The following PHACTR1 variants were observed in gnomAD, a reference collection of about 807,000 sequenced individuals.
PHACTR1 encodes the protein RPEL repeat containing 1.
PHACTR1 carries 16 observed loss-of-function variants against 69.2 expected under a neutral mutation model. The observed-to-expected ratio is 0.23, with a 90% CI of 0.16 to 0.35. PHACTR1 has a LOEUF of 0.35. Ranked by LOEUF, PHACTR1 falls within the 10% of genes least tolerant of loss-of-function variation. The pLI is 1.00. For missense variants in PHACTR1, 510 were observed against 734.7 expected, an observed-to-expected ratio of 0.69 and a Z score of 3.54; for synonymous variants, 312 against 284.5, an observed-to-expected ratio of 1.10 and a Z score of -0.97.
chr6:12,946,201 G>T lies in PHACTR1; in HGVS notation c.251-107164G>T, dbSNP rs116028406. Among the ~76,000 whole-genome samples, 830 of 151,942 alleles carry T rather than the reference G, an allele frequency of 5.5e-3. 6 individuals are homozygous for T. Among genetic ancestry groups the T allele is most frequent in the African/African-American group, 0.019 (770 of 41,410 alleles). ...GAAGGTGGGTAGGGAAAGATGAAAA[G>T]TGTGTAGAATACTAAGTAGACTATA... On this transcript the variant is annotated intron_variant, in intron 4 of 14. Coordinates refer to ENST00000332995, the MANE Select transcript of PHACTR1 (RefSeq NM_030948.6).
intron 4 of PHACTR1, among the ~76,000 whole-genome samples, chr6:12,895,484 A>T (rs1019160737): frequency 6.6e-6 from 1 of 152,092 alleles, no homozygotes. Flanking sequence ...TGCCCAGCTG[A>T]TTCTTTCTAT....
intron 12 of PHACTR1, chr6:13,280,799 T>C: frequency 2.2e-6 from 1 of 448,900 alleles, no homozygotes; most frequent in Non-Finnish European, 3.8e-6. Flanking sequence ...CGGGCCTGAC[T>C]TTGGCTGCAA....
At chr6:13,282,277 G>A (rs1780451488) in intron 12 of PHACTR1, among the ~76,000 whole-genome samples, 5 of 152,196 alleles carry the variant, frequency 3.3e-5, no homozygotes, top group Admixed American at 3.3e-4. Flanking sequence ...TCATTTGACA[G>A]CATCTTAAAG....
intron 5 of PHACTR1, among the ~76,000 whole-genome samples, chr6:13,094,573 A>G (rs1015103030): frequency 6.6e-6 from 1 of 152,180 alleles, no homozygotes; most frequent in Admixed American, 6.5e-5. Flanking sequence ...CTGAGATTAC[A>G]GGCATGAACC....
intron 4 of PHACTR1, among the ~76,000 whole-genome samples, chr6:12,887,429 G>A (rs1039833340): frequency 1.3e-5 from 2 of 152,140 alleles, no homozygotes; most frequent in Admixed American, 1.3e-4. Context: ...AATCTTACTT[G>A]CGAACTGAAA....
intron 4 of PHACTR1, among the ~76,000 whole-genome samples, chr6:12,943,929 G>C (rs1790317646): frequency 6.6e-6 from 1 of 152,082 alleles, no homozygotes; most frequent in African/African-American, 2.4e-5. Context: ...TCTTGTTTTT[G>C]CTGGAACAAT....
chr6:13,114,828 C>T (rs1374606070), intron 5 of PHACTR1, among the ~76,000 whole-genome samples: 1 of 152,162 alleles, frequency 6.6e-6, no homozygotes, highest in East Asian at 1.9e-4. Context: ...GACTGAAAAG[C>T]CCTGGTTTAA....
At chr6:12,725,102 C>CT (rs1314760069) in intron 3 of PHACTR1, among the ~76,000 whole-genome samples, 20 of 152,172 alleles carry the variant, frequency 1.3e-4, no homozygotes, top group Admixed American at 1.3e-3. Context: ...CTAAGAGTCT[C>CT]TTTAAGTTGT....
intron 4 of PHACTR1, among the ~76,000 whole-genome samples, chr6:12,869,877 A>G (rs1781848167): frequency 6.6e-6 from 1 of 152,226 alleles, no homozygotes; most frequent in Middle Eastern, 3.2e-3. Flanking sequence ...GTACAGTACC[A>G]CAGATCTTTT....
chr6:13,105,269 C>G (rs1054477896), intron 5 of PHACTR1, among the ~76,000 whole-genome samples: 1 of 152,108 alleles, frequency 6.6e-6, no homozygotes, highest in African/African-American at 2.4e-5. Flanking sequence ...CTCCCAGCTA[C>G]ACTGGTAGCT....
At chr6:13,088,942 T>C (rs77118064) in intron 5 of PHACTR1, among the ~76,000 whole-genome samples, 2,450 of 152,324 alleles carry the variant, frequency 0.016, 56 homozygotes, top group African/African-American at 0.053. Context: ...GTGCCAGTTA[T>C]ATTTAGAAAT....
intron 4 of PHACTR1, among the ~76,000 whole-genome samples, chr6:12,894,414 G>T (rs1212659284): frequency 6.6e-6 from 1 of 152,182 alleles, no homozygotes; most frequent in Non-Finnish European, 1.5e-5. Context: ...AGACCAGCCT[G>T]GCCAACATGG....
chr6:13,217,330 T>A (rs1410283856), intron 8 of PHACTR1, among the ~76,000 whole-genome samples: 2 of 152,312 alleles, frequency 1.3e-5, no homozygotes, highest in East Asian at 3.9e-4. Context: ...CAGCTGGGAC[T>A]CGCACCATTC....
rs11285910 is a variant in PHACTR1, at chr6:13,283,158, T to TA, written c.1510-253dup. ...CATAATAAAAGATTTTTTTTAAGTT[T>TA]AAAAAAAAAAAGAGCTTGGCCTAGA... is the stretch of plus-strand genomic sequence containing the variant. On this transcript the variant is annotated intron_variant, in intron 12 of 14. Transcript: ENST00000332995. The surrounding 1 kb of genome is among the most constrained non-coding windows in gnomAD (Gnocchi z 4.7). The TA allele has an allele frequency of 0.01, 2,542 of 244,800 alleles. No individual in the cohort carries two copies. The highest frequency in any genetic ancestry group is 0.016 in the East Asian group (205 of 12,828). 15.2% of individuals were successfully genotyped at this position (244,800 alleles called of 1,614,324 possible). A position where few individuals can be genotyped will look rare whatever the true frequency, so the allele number is the denominator to read the frequency against.
intron 4 of PHACTR1, among the ~76,000 whole-genome samples, chr6:12,849,999 C>T (rs1233476854): frequency 1.3e-5 from 2 of 152,116 alleles, no homozygotes; most frequent in Admixed American, 1.3e-4. Context: ...AAAATTAATG[C>T]CTGCTTCTTT....
chr6:12,921,630 AGAGG>A (rs1283535039), intron 4 of PHACTR1, among the ~76,000 whole-genome samples: 40 of 84,684 alleles, frequency 4.7e-4, no homozygotes, highest in African/African-American at 1.5e-3. Context: ...GGGAGGAAGG[AGAGG>A]GAGGGAGGGA....
intron 7 of PHACTR1, among the ~76,000 whole-genome samples, chr6:13,193,081 G>A (rs972567926): frequency 6.6e-6 from 1 of 151,996 alleles, no homozygotes; most frequent in African/African-American, 2.4e-5. Context: ...TCATGGTCCA[G>A]CCGTAGTTCT....
At chr6:13,238,040 C>G (rs1000297099) in intron 10 of PHACTR1, among the ~76,000 whole-genome samples, 2 of 151,460 alleles carry the variant, frequency 1.3e-5, no homozygotes, top group African/African-American at 4.8e-5. Flanking sequence ...TAAAAATGAG[C>G]ACTTGCTCCA....
chr6:12,964,441 T>C (rs1035102960), intron 4 of PHACTR1, among the ~76,000 whole-genome samples: 1 of 151,914 alleles, frequency 6.6e-6, no homozygotes, highest in African/African-American at 2.4e-5. Flanking sequence ...TACAGGAGAA[T>C]GGGGAACAGA....
Sources: gnomAD v4.1 joint callset for allele counts (sites outside exome capture counted in the v4.1 genomes callset) on GRCh38, gnomAD v4.1.1 for gene constraint, Gnocchi (gnomAD v3.1) non-coding constraint, MANE v1.5 for transcripts, NCBI Gene and HGNC (gene_info 2026-07-23, HGNC 2026-07-21) for gene names.